The following GASK1A variants were observed in gnomAD, a reference collection of about 807,000 sequenced individuals.
GASK1A encodes golgi associated kinase 1A.
GASK1A carries 40 observed loss-of-function variants against 41.2 expected under a neutral mutation model. The ratio of observed to expected loss-of-function variants is 0.97; its 90% CI spans 0.75 to 1.27. The LOEUF (loss-of-function observed/expected upper bound fraction) is 1.27. Ranked by LOEUF, GASK1A falls within the 50% of genes most tolerant of loss-of-function variation. The pLI is 0.00. For synonymous variants in GASK1A, 316 were observed against 307.1 expected (o/e 1.03, Z -0.30); for missense variants, 678 against 745.1 (o/e 0.91, Z 1.05).
At chr3:43,006,278 CTT>C (rs2089435770) in intron 1 of GASK1A, among the ~76,000 whole-genome samples, 1 of 152,146 alleles carries the variant, frequency 6.6e-6, no homozygotes, top group Non-Finnish European at 1.5e-5. Flanking sequence ...CTTTGCCTCT[CTT>C]GTTTTGCATC....
At chr3:42,982,756 CT>C (rs2089288923) in intron 1 of GASK1A, among the ~76,000 whole-genome samples, 1 of 152,212 alleles carries the variant, frequency 6.6e-6, no homozygotes, top group South Asian at 2.1e-4. Flanking sequence ...TATCCAAGCT[CT>C]TACTGTAACT....
intron 2 of GASK1A, among the ~76,000 whole-genome samples, chr3:43,046,087 A>G (rs887519568): frequency 6.6e-6 from 1 of 152,176 alleles, no homozygotes; most frequent in Non-Finnish European, 1.5e-5. Flanking sequence ...GGGTGCTGCT[A>G]TAAAGGTACC....
At chr3:43,039,242 G>A (rs1167614905) in intron 2 of GASK1A, among the ~76,000 whole-genome samples, 4 of 134,118 alleles carry the variant, frequency 3.0e-5, no homozygotes, top group South Asian at 2.6e-4. Context: ...TGACTCTGTC[G>A]CCCAGGCTGG....
chr3:43,036,055 T>C (rs1342131227), intron 2 of GASK1A, among the ~76,000 whole-genome samples: 1 of 152,252 alleles, frequency 6.6e-6, no homozygotes, highest in Non-Finnish European at 1.5e-5. Flanking sequence ...CCAGTCCAGC[T>C]GATGTGCTTG....
chr3:42,979,717 C>G (rs1575431398), intron 1 of GASK1A, 72 bp downstream of exon 1: 1 of 1,237,416 alleles, frequency 8.1e-7, no homozygotes, highest in East Asian at 3.2e-5. Context: ...GCAGTCAACG[C>G]GCAGCGGCCC....
At chr3:43,010,123 A>G (rs898571068) in intron 1 of GASK1A, among the ~76,000 whole-genome samples, 6 of 152,166 alleles carry the variant, frequency 3.9e-5, no homozygotes, top group Non-Finnish European at 8.8e-5. Context: ...AGGGTCTCCA[A>G]AGTACGTGCC....
intron 1 of GASK1A, among the ~76,000 whole-genome samples, chr3:43,015,677 A>G (rs1252492648): frequency 6.6e-6 from 1 of 151,578 alleles, no homozygotes; most frequent in Non-Finnish European, 1.5e-5. Context: ...GGGAAGTCAC[A>G]GGTAGAGGCA....
chr3:43,023,845 C>T (rs772197946), intron 1 of GASK1A, among the ~76,000 whole-genome samples: 5 of 152,136 alleles, frequency 3.3e-5, no homozygotes, highest in Non-Finnish European at 5.9e-5. Context: ...GGCTTATTTA[C>T]CCACTGACTT....
At chr3:42,993,022 A>G (rs1400369268) in intron 1 of GASK1A, among the ~76,000 whole-genome samples, 2 of 152,176 alleles carry the variant, frequency 1.3e-5, no homozygotes, top group Non-Finnish European at 2.9e-5. Flanking sequence ...ATTGGCGAAC[A>G]CTCAGCCATT....
intron 1 of GASK1A, among the ~76,000 whole-genome samples, chr3:43,002,265 G>A (rs1559398662): frequency 6.6e-6 from 1 of 152,170 alleles, no homozygotes; most frequent in African/African-American, 2.4e-5. Flanking sequence ...GACTCAGCAT[G>A]TGTCCTAAGG....
chr3:43,018,946 C>T (rs1363165496), intron 1 of GASK1A, among the ~76,000 whole-genome samples: 1 of 152,186 alleles, frequency 6.6e-6, no homozygotes, highest in African/African-American at 2.4e-5. Context: ...TGCCTGGGTT[C>T]GTGCCTTGGT....
At chr3:43,007,005 A>G (rs1169329397) in intron 1 of GASK1A, among the ~76,000 whole-genome samples, 3 of 152,118 alleles carry the variant, frequency 2.0e-5, no homozygotes, top group Non-Finnish European at 2.9e-5. Context: ...CCTGATAGTC[A>G]TAGGAGAGCA....
intron 2 of GASK1A, among the ~76,000 whole-genome samples, chr3:43,044,671 C>T (rs1178339304): frequency 6.6e-6 from 1 of 152,140 alleles, no homozygotes; most frequent in Admixed American, 6.5e-5. Flanking sequence ...AACCGTGGCC[C>T]ACAATGCAGC....
rs1181661712 is a variant in GASK1A, at chr3:43,046,921, C to T, written c.1291-6600C>T. Among the ~76,000 whole-genome samples the T allele has an allele frequency of 2.0e-5, 3 of 152,244 alleles. No individual in the cohort carries two copies. In the East Asian group the frequency reaches 5.8e-4, roughly 29 times the overall value. ...CCTCCACGTGGTGTTGCACCTGTGG[C>T]TGCACAGAAGACAAGAATTGAGCTT... On this transcript the variant is annotated intron_variant, in intron 2 of 4. Coordinates refer to ENST00000430121, the MANE Select transcript of GASK1A (RefSeq NM_001129908.3).
chr3:43,049,814 G>T (rs1264118587), intron 2 of GASK1A, among the ~76,000 whole-genome samples: 2 of 152,078 alleles, frequency 1.3e-5, no homozygotes, highest in Non-Finnish European at 2.9e-5. Context: ...TATTTTCTTG[G>T]TAGTTGCACT....
chr3:42,991,669 G>C (rs1261294385), intron 1 of GASK1A, among the ~76,000 whole-genome samples: 1 of 152,232 alleles, frequency 6.6e-6, no homozygotes, highest in African/African-American at 2.4e-5. Flanking sequence ...GCCCAGCGGA[G>C]GTGGAGGCTG....
chr3:43,035,551 GCTGTCTCT>G (rs1335499324), intron 2 of GASK1A, among the ~76,000 whole-genome samples: 2 of 152,166 alleles, frequency 1.3e-5, no homozygotes, highest in Non-Finnish European at 2.9e-5. Flanking sequence ...AGTGGTAATT[GCTGTCTCT>G]CTTCCCCCAC....
intron 2 of GASK1A, among the ~76,000 whole-genome samples, chr3:43,044,606 G>T (rs1049354528): frequency 6.6e-6 from 1 of 152,192 alleles, no homozygotes; most frequent in African/African-American, 2.4e-5. Context: ...GGACATAGTG[G>T]AGGCAGGATT....
At chr3:42,999,266 A>T (rs537208862) in intron 1 of GASK1A, among the ~76,000 whole-genome samples, 2 of 152,228 alleles carry the variant, frequency 1.3e-5, no homozygotes, top group African/African-American at 4.8e-5. Flanking sequence ...TGCATTTCCA[A>T]ATCACCACTC....
Sources: gnomAD v4.1 joint callset for allele counts (sites outside exome capture counted in the v4.1 genomes callset) on GRCh38, gnomAD v4.1.1 for gene constraint, MANE v1.5 for transcripts, NCBI Gene and HGNC (gene_info 2026-07-23, HGNC 2026-07-21) for gene names.